The following DAB1 variants were observed in gnomAD, a reference collection of about 807,000 sequenced individuals.
The protein encoded by DAB1 is DAB adaptor protein 1, also known as disabled homolog 1.
DAB1 carries 15 observed loss-of-function variants against 64.6 expected under a neutral mutation model. The ratio of observed to expected loss-of-function variants is 0.23; its 90% CI spans 0.16 to 0.36. The LOEUF is 0.36. Among genes scored for constraint, DAB1 ranks in the 10% least tolerant of loss-of-function variants. The pLI is 1.00. For missense variants in DAB1, 596 were observed against 706.7 expected (o/e 0.84, Z 1.78); for synonymous variants, 235 against 251.9 (o/e 0.93, Z 0.64).
At chr1:57,983,560 G>A (rs1646119893) in intron 5 of DAB1, among the ~76,000 whole-genome samples, 1 of 152,088 alleles carries the variant, frequency 6.6e-6, no homozygotes, top group South Asian at 2.1e-4. Flanking sequence ...GCAAACTGAG[G>A]TCCTCATGCA....
At chr1:57,058,695 A>G (rs1379325444) in intron 9 of DAB1, among the ~76,000 whole-genome samples, 1 of 152,228 alleles carries the variant, frequency 6.6e-6, no homozygotes, top group East Asian at 1.9e-4. Context: ...TGGTTTTCAC[A>G]TCACCATTAC....
chr1:57,493,879 A>G (rs1284986082), intron 7 of DAB1, among the ~76,000 whole-genome samples: 1 of 152,060 alleles, frequency 6.6e-6, no homozygotes, highest in African/African-American at 2.4e-5. Flanking sequence ...TTATTTATTT[A>G]ATTTTTAGTT....
chr1:58,170,774 C>T (rs1656125052), intron 4 of DAB1, among the ~76,000 whole-genome samples: 1 of 152,114 alleles, frequency 6.6e-6, no homozygotes, highest in South Asian at 2.1e-4. Flanking sequence ...GGCACACTGC[C>T]CCAGAGAGCA....
At chr1:57,443,338 A>G (rs1424977220) in intron 7 of DAB1, among the ~76,000 whole-genome samples, 1 of 152,234 alleles carries the variant, frequency 6.6e-6, no homozygotes, top group African/African-American at 2.4e-5. Flanking sequence ...GATTATGAGA[A>G]ACAGAGGGCC....
chr1:58,175,398 C>T (rs894948637), intron 4 of DAB1, among the ~76,000 whole-genome samples: 6 of 152,192 alleles, frequency 3.9e-5, no homozygotes, highest in African/African-American at 1.4e-4. Context: ...AGAACTGTAA[C>T]ACTCACTGCC....
intron 1 of DAB1, among the ~76,000 whole-genome samples, chr1:57,321,292 T>C (rs1675694272): frequency 6.6e-6 from 1 of 152,202 alleles, no homozygotes; most frequent in Non-Finnish European, 1.5e-5. Context: ...AGATCACTCC[T>C]TCCTTCTCAG....
At chr1:57,819,686 CG>C (rs1419798835) in intron 6 of DAB1, among the ~76,000 whole-genome samples, 1 of 152,148 alleles carries the variant, frequency 6.6e-6, no homozygotes, top group Non-Finnish European at 1.5e-5. Flanking sequence ...CATAATGACA[CG>C]GATCTGCATT....
chr1:57,525,588 C>G (rs1178551870), intron 7 of DAB1, among the ~76,000 whole-genome samples: 11 of 151,992 alleles, frequency 7.2e-5, no homozygotes, highest in African/African-American at 2.7e-4. Context: ...ATTGACATAA[C>G]TTGAAATAAA....
At chr1:57,000,957 G>C (rs1041956461) in intron 14 of DAB1, among the ~76,000 whole-genome samples, 1 of 152,152 alleles carries the variant, frequency 6.6e-6, no homozygotes, top group Non-Finnish European at 1.5e-5. Context: ...CTACTTGCCC[G>C]AATTTAGCTT....
chr1:57,553,448 GAA>G (rs1491170644), intron 7 of DAB1, among the ~76,000 whole-genome samples: 6 of 108,362 alleles, frequency 5.5e-5, no homozygotes, highest in African/African-American at 1.4e-4. Flanking sequence ...GAAAGAGAAA[GAA>G]AGAAAGAAAG....
At chr1:58,429,553 C>G (rs1192619943) in intron 3 of DAB1, among the ~76,000 whole-genome samples, 1 of 152,130 alleles carries the variant, frequency 6.6e-6, no homozygotes, top group African/African-American at 2.4e-5. Flanking sequence ...CTGAGAAGTG[C>G]TCTTGAGTAC....
intron 2 of DAB1, among the ~76,000 whole-genome samples, chr1:58,508,478 A>C (rs968915666): frequency 6.6e-6 from 1 of 152,190 alleles, no homozygotes; most frequent in Non-Finnish European, 1.5e-5. Flanking sequence ...GAAATGAACA[A>C]CATCAAACCT....
intron 9 of DAB1, among the ~76,000 whole-genome samples, chr1:57,048,032 T>C (rs1337978072): frequency 6.6e-6 from 1 of 152,234 alleles, no homozygotes; most frequent in Non-Finnish European, 1.5e-5. Context: ...GTTATAAATA[T>C]CTTATGTGCA....
At chr1:57,321,307 C>G (rs988604385) in intron 1 of DAB1, among the ~76,000 whole-genome samples, 1 of 152,178 alleles carries the variant, frequency 6.6e-6, no homozygotes, top group African/African-American at 2.4e-5. Flanking sequence ...TCTCAGAAAG[C>G]AGGACTCACA....
intron 5 of DAB1, among the ~76,000 whole-genome samples, chr1:57,913,001 G>A: frequency 6.6e-6 from 1 of 152,164 alleles, no homozygotes; most frequent in East Asian, 1.9e-4. Context: ...TCAATATCGT[G>A]AAAATGGCCA....
intron 7 of DAB1, among the ~76,000 whole-genome samples, chr1:57,637,434 C>T (rs979510525): frequency 3.9e-5 from 6 of 152,150 alleles, no homozygotes; most frequent in Non-Finnish European, 7.3e-5. Flanking sequence ...AGAGGAGGCA[C>T]CAGCTGATCT....
intron 7 of DAB1, among the ~76,000 whole-genome samples, chr1:57,560,642 G>T (rs532853153): frequency 1.3e-5 from 2 of 152,282 alleles, no homozygotes; most frequent in East Asian, 3.9e-4. Flanking sequence ...TTTGAGTAGG[G>T]TCCAGAACAG....
At chr1:58,012,681 AT>A in intron 5 of DAB1, among the ~76,000 whole-genome samples, 1 of 152,268 alleles carries the variant, frequency 6.6e-6, no homozygotes, top group South Asian at 2.1e-4. Flanking sequence ...TTTCTGCCAC[AT>A]GAGAATACGA....
At chr1:57,133,321 GGA>G (rs1657793953) in intron 4 of DAB1, among the ~76,000 whole-genome samples, 1 of 152,146 alleles carries the variant, frequency 6.6e-6, no homozygotes, top group Admixed American at 6.6e-5. Flanking sequence ...CATGGTGAAT[GGA>G]GAGAGAATAG....
Sources: allele counts gnomAD v4.1 joint callset (sites outside exome capture counted in the v4.1 genomes callset), GRCh38; gene constraint gnomAD v4.1.1; transcripts MANE v1.5; gene names NCBI Gene and HGNC (gene_info 2026-07-23, HGNC 2026-07-21).